The following SPOCK3 variants were observed in gnomAD, a reference collection of about 807,000 sequenced individuals.
SPOCK3 encodes the protein SPARC (osteonectin), cwcv and kazal like domains proteoglycan 3, also known as testican-3.
A neutral mutation model predicts 56.6 loss-of-function variants in SPOCK3; 30 were observed. The ratio of observed to expected loss-of-function variants is 0.53; its 90% CI spans 0.40 to 0.72. The LOEUF (loss-of-function observed/expected upper bound fraction) is 0.72, where lower values mean the gene tolerates loss of function less well. Ranked by LOEUF, SPOCK3 falls within the 30% of genes least tolerant of loss-of-function variation. SPOCK3 has a pLI of 0.00. For synonymous variants in SPOCK3, 196 were observed against 183.3 expected, an observed-to-expected ratio of 1.07 and a Z score of -0.56; for missense variants, 527 against 530.0, an observed-to-expected ratio of 0.99 and a Z score of 0.06.
chr4:167,205,483 AT>A (rs1561322313), intron 2 of SPOCK3, among the ~76,000 whole-genome samples: 1 of 51,042 alleles, frequency 2.0e-5, no homozygotes, highest in African/African-American at 9.1e-5. Context: ...TTTATATATA[AT>A]ATATAATATA....
intron 6 of SPOCK3, among the ~76,000 whole-genome samples, chr4:166,879,967 T>A (rs1467578780): frequency 6.6e-6 from 1 of 152,140 alleles, no homozygotes; most frequent in Non-Finnish European, 1.5e-5. Context: ...CTACCATGAT[T>A]GTAAATTTCC....
intron 2 of SPOCK3, among the ~76,000 whole-genome samples, chr4:167,104,176 C>T (rs566461176): frequency 2.6e-5 from 4 of 152,070 alleles, no homozygotes; most frequent in African/African-American, 9.7e-5. Context: ...GCCCAGACAC[C>T]AACAAACGTC....
chr4:167,103,868 C>T (rs1759865015), intron 2 of SPOCK3, among the ~76,000 whole-genome samples: 1 of 152,124 alleles, frequency 6.6e-6, no homozygotes, highest in South Asian at 2.1e-4. Context: ...CCTCCTCATG[C>T]CCAACTCCAG....
At chr4:167,108,056 C>A (rs1760321425) in intron 2 of SPOCK3, among the ~76,000 whole-genome samples, 1 of 151,770 alleles carries the variant, frequency 6.6e-6, no homozygotes, top group Non-Finnish European at 1.5e-5. Flanking sequence ...TAAAAATATG[C>A]TCAATATCAT....
intron 4 of SPOCK3, among the ~76,000 whole-genome samples, chr4:166,923,010 T>C (rs181809991): frequency 6.6e-6 from 1 of 152,348 alleles, no homozygotes; most frequent in East Asian, 1.9e-4. Context: ...ATTTAATCTC[T>C]CACCGTTAGG....
At chr4:167,116,712 A>G (rs1761421608) in intron 2 of SPOCK3, among the ~76,000 whole-genome samples, 1 of 133,024 alleles carries the variant, frequency 7.5e-6, no homozygotes, top group South Asian at 2.3e-4. Context: ...ATACGTATAT[A>G]GTATATATGT....
At chr4:167,156,450 C>T (rs995862220) in intron 2 of SPOCK3, among the ~76,000 whole-genome samples, 2 of 152,100 alleles carry the variant, frequency 1.3e-5, no homozygotes, top group Non-Finnish European at 2.9e-5. Flanking sequence ...TCTATCTGCA[C>T]CATGAGCAAT....
At chr4:167,097,125 C>T (rs550892704) in intron 2 of SPOCK3, among the ~76,000 whole-genome samples, 1 of 151,432 alleles carries the variant, frequency 6.6e-6, no homozygotes, top group African/African-American at 2.4e-5. Flanking sequence ...TTTTTAATTC[C>T]TTTACTTTTA....
At chr4:167,090,967 T>A (rs1405069927) in intron 2 of SPOCK3, among the ~76,000 whole-genome samples, 1 of 152,196 alleles carries the variant, frequency 6.6e-6, no homozygotes, top group Non-Finnish European at 1.5e-5. Flanking sequence ...CAGGACATAC[T>A]GTCTTTAAAA....
chr4:167,198,249 C>CA (rs1012915794), intron 2 of SPOCK3, among the ~76,000 whole-genome samples: 4 of 151,812 alleles, frequency 2.6e-5, no homozygotes, highest in Non-Finnish European at 4.4e-5. Flanking sequence ...TGCTTAGTAT[C>CA]AAAAAAAATT....
chr4:166,836,750 G>T (rs1347651866), intron 6 of SPOCK3, among the ~76,000 whole-genome samples: 1 of 152,086 alleles, frequency 6.6e-6, no homozygotes, highest in Non-Finnish European at 1.5e-5. Context: ...TTTCTGACCA[G>T]GTTCGACCTT....
chr4:166,842,606 A>C (rs920443935), intron 6 of SPOCK3, among the ~76,000 whole-genome samples: 1 of 152,132 alleles, frequency 6.6e-6, no homozygotes, highest in Non-Finnish European at 1.5e-5. Flanking sequence ...CCTTAACTAG[A>C]CATAAAGGTT....
At chr4:167,225,529 AAATT>A (rs1339579396) in intron 2 of SPOCK3, among the ~76,000 whole-genome samples, 6 of 152,072 alleles carry the variant, frequency 3.9e-5, no homozygotes, top group Non-Finnish European at 7.4e-5. Flanking sequence ...TACTATTATT[AAATT>A]AATTATGTGT....
chr4:167,134,831 T>A (rs1343534283), intron 2 of SPOCK3, among the ~76,000 whole-genome samples: 1 of 152,090 alleles, frequency 6.6e-6, no homozygotes, highest in East Asian at 1.9e-4. Flanking sequence ...TATAACTATG[T>A]AGCATATTTA....
At chr4:167,109,850 C>T (rs931353704) in intron 2 of SPOCK3, among the ~76,000 whole-genome samples, 1 of 151,584 alleles carries the variant, frequency 6.6e-6, no homozygotes, top group Non-Finnish European at 1.5e-5. Context: ...TAGTATACTC[C>T]ATCATAAAAT....
intron 2 of SPOCK3, among the ~76,000 whole-genome samples, chr4:167,064,623 C>T (rs998608931): frequency 2.0e-5 from 3 of 151,674 alleles, no homozygotes; most frequent in African/African-American, 7.3e-5. Context: ...TAGGCCTCTC[C>T]TGAAGCAGAA....
intron 2 of SPOCK3, among the ~76,000 whole-genome samples, chr4:167,194,999 G>T (rs763110762): frequency 6.6e-6 from 1 of 152,186 alleles, no homozygotes; most frequent in Non-Finnish European, 1.5e-5. Context: ...CTGCTTCAGG[G>T]TCCAGAGCTG....
At chr4:167,131,810 G>T (rs894561454) in intron 2 of SPOCK3, among the ~76,000 whole-genome samples, 1 of 152,024 alleles carries the variant, frequency 6.6e-6, no homozygotes, top group Non-Finnish European at 1.5e-5. Context: ...TTTTTTTAAC[G>T]CTGCAAGAGA....
intron 2 of SPOCK3, among the ~76,000 whole-genome samples, chr4:167,134,574 C>G (rs949383469): frequency 7.9e-5 from 12 of 151,914 alleles, no homozygotes; most frequent in Admixed American, 2.0e-4. Flanking sequence ...TTAAGAATTT[C>G]TAAAACTTAA....
Sources: gnomAD v4.1 joint callset for allele counts (sites outside exome capture counted in the v4.1 genomes callset) on GRCh38, gnomAD v4.1.1 for gene constraint, MANE v1.5 for transcripts, NCBI Gene and HGNC (gene_info 2026-07-23, HGNC 2026-07-21) for gene names.